Variants in F13A1 observed in about 807,000 individuals in gnomAD.
F13A1 encodes the protein FSF, A subunit.
In F13A1, 47 loss-of-function variants were observed where a neutral mutation model predicts 80.1. The ratio of observed to expected loss-of-function variants is 0.59; its 90% confidence interval spans 0.46 to 0.75. The LOEUF (loss-of-function observed/expected upper bound fraction) is 0.75. Ranked by LOEUF, F13A1 falls within the 30% of genes least tolerant of loss-of-function variation. The pLI, the probability that F13A1 is intolerant of heterozygous loss-of-function variation, is 0.00. For missense variants in F13A1, 817 were observed against 930.4 expected (o/e 0.88, Z 1.59); for synonymous variants, 349 against 344.9 (o/e 1.01, Z -0.13).
chr6:6,212,018 G>A (rs184613008), intron 8 of F13A1, among the ~76,000 whole-genome samples: 62 of 152,314 alleles, frequency 4.1e-4, no homozygotes, highest in African/African-American at 1.3e-3. Flanking sequence ...CACCTGGCTC[G>A]GAGGGTCCTA....
At position 6,235,319 on chromosome 6, in the gene F13A1, G is replaced by A. The variant is rs1051229981; in HGVS notation, c.799-10459C>T. Among the ~76,000 whole-genome samples, 37 of 151,898 alleles carry A rather than the reference G, an allele frequency of 2.4e-4. 1 individual carries two copies. The highest frequency in any genetic ancestry group is 2.1e-3 in the Admixed American group (32 of 15,230). On this transcript the variant is annotated intron_variant, in intron 6 of 14. Transcript: ENST00000264870. Reference sequence around the variant, plus strand: ...AATTAAGAACCTTTGCTCTTTGAAAGGCCCTGTGAAGAGAATGAAAAAATA... The same window carrying A: ...AATTAAGAACCTTTGCTCTTTGAAAAGCCCTGTGAAGAGAATGAAAAAATA...
chr6:6,268,592 G>A (rs2113126320), intron 3 of F13A1, among the ~76,000 whole-genome samples: 1 of 152,010 alleles, frequency 6.6e-6, no homozygotes, highest in Non-Finnish European at 1.5e-5. Flanking sequence ...TTGATTCTTT[G>A]CAGTTTAGTT....
chr6:6,199,096 C>A (rs1234801342), intron 8 of F13A1, among the ~76,000 whole-genome samples: 1 of 152,178 alleles, frequency 6.6e-6, no homozygotes, highest in Admixed American at 6.5e-5. Context: ...GCAGGCAATG[C>A]ACGAAACTAA....
At chr6:6,193,969 C>T (rs1461643613) in intron 10 of F13A1, among the ~76,000 whole-genome samples, 5 of 152,220 alleles carry the variant, frequency 3.3e-5, no homozygotes, top group African/African-American at 9.7e-5. Context: ...GAGATGAACA[C>T]TGGTCTTTTG....
chr6:6,153,564 C>T (rs1760420668), intron 13 of F13A1, among the ~76,000 whole-genome samples: 1 of 152,202 alleles, frequency 6.6e-6, no homozygotes, highest in Admixed American at 6.5e-5. Context: ...TTTAAATCCG[C>T]ATCTCCTGGA....
intron 3 of F13A1, among the ~76,000 whole-genome samples, chr6:6,270,061 C>T (rs905803391): frequency 6.6e-6 from 1 of 152,102 alleles, no homozygotes; most frequent in African/African-American, 2.4e-5. Flanking sequence ...TGTTGATTTG[C>T]TTGTGTATTA....
At chr6:6,158,892 C>T (rs910789149) in intron 13 of F13A1, among the ~76,000 whole-genome samples, 5 of 147,674 alleles carry the variant, frequency 3.4e-5, no homozygotes, top group Non-Finnish European at 7.4e-5. Context: ...AGTGGTTTCC[C>T]CTTTTTTTCT....
In F13A1 at chr6:6,305,437, C is replaced by T. The variant is rs768024997; in HGVS notation, c.233G>A (p.Arg78His). 8.7e-6 allele frequency: 14 copies of T among 1,614,086 alleles called. No homozygotes were observed. The highest frequency in any genetic ancestry group is 2.7e-5 in the African/African-American group (2 of 74,938). ...DKYENNKLIV[R>H]RGQSFYVQID... Reference sequence around the variant, plus strand: ...CTGCACATAGAAAGACTGCCCTCTGCGGACAATCAGCTTGTTGTTTTCATA... The same window carrying T: ...CTGCACATAGAAAGACTGCCCTCTGTGGACAATCAGCTTGTTGTTTTCATA... The change falls in exon 3 of 15, where the codon CGC becomes CAC. Residue 78 changes from arginine (R) to histidine (H), a missense_variant. Arg to His is a conservative substitution (Grantham distance 29). Transcript: ENST00000264870.
chr6:6,168,138 G>T (rs2151072948), intron 12 of F13A1, among the ~76,000 whole-genome samples: 1 of 152,310 alleles, frequency 6.6e-6, no homozygotes, highest in Admixed American at 6.5e-5. Flanking sequence ...AATCTGATAT[G>T]ATTTTTCTAT....
At chr6:6,305,303 A>G in intron 3 of F13A1, 48 bp downstream of exon 3, 2 of 1,605,792 alleles carry the variant, frequency 1.2e-6, no homozygotes, top group Middle Eastern at 3.3e-4. Flanking sequence ...ACCTCTCTCT[A>G]CAATGCAACC....
At chr6:6,262,442 T>C (rs1757789732) in intron 4 of F13A1, among the ~76,000 whole-genome samples, 2 of 152,334 alleles carry the variant, frequency 1.3e-5, no homozygotes, top group South Asian at 4.1e-4. Context: ...CAAGTGTGAG[T>C]AGGACTCCTA....
chr6:6,167,584 C>T lies in F13A1; in HGVS notation c.1782G>A (p.Glu594=). The change falls in exon 13 of 15, where the codon GAG becomes GAA. Residue 594 remains glutamate, a synonymous_variant. Coordinates refer to ENST00000264870, the MANE Select transcript of F13A1 (RefSeq NM_000129.4). ...CTTGTTCCAGCAGCTGACCCATGTACTCGCCGGCTTGGATCAGCACCGCCT... is the reference window on the plus strand; with the variant it reads ...CTTGTTCCAGCAGCTGACCCATGTATTCGCCGGCTTGGATCAGCACCGCCT... The part of the protein sequence containing the change: ...KKEAVLIQAG[E]YMGQLLEQAS... The T allele has an allele frequency of 1.2e-6, 2 of 1,613,906 alleles. No homozygotes were observed. Among genetic ancestry groups the T allele is most frequent in the Non-Finnish European group, 1.7e-6 (2 of 1,180,010 alleles).
At chr6:6,206,639 TC>T in intron 8 of F13A1, 1 of 470,484 alleles carries the variant, frequency 2.1e-6, no homozygotes, top group Non-Finnish European at 4.4e-6. Flanking sequence ...GGCAGTGATT[TC>T]CAACCTTCAA....
chr6:6,280,657 G>C (rs1758047858), intron 3 of F13A1, among the ~76,000 whole-genome samples: 1 of 152,188 alleles, frequency 6.6e-6, no homozygotes. Context: ...CCGTATTGAG[G>C]TTGGACCATC....
intron 3 of F13A1, among the ~76,000 whole-genome samples, chr6:6,295,124 T>A (rs1316771340): frequency 6.8e-6 from 1 of 147,108 alleles, no homozygotes; most frequent in Non-Finnish European, 1.5e-5. Flanking sequence ...TGTGCCACAT[T>A]TTCTTAATCC....
At chr6:6,229,805 C>T (rs1441797998) in intron 6 of F13A1, among the ~76,000 whole-genome samples, 1 of 152,252 alleles carries the variant, frequency 6.6e-6, no homozygotes, top group East Asian at 1.9e-4. Flanking sequence ...GGGAGACCCT[C>T]CTCTCCCGAA....
At chr6:6,293,082 G>A (rs1758245996) in intron 3 of F13A1, among the ~76,000 whole-genome samples, 2 of 152,134 alleles carry the variant, frequency 1.3e-5, no homozygotes, top group African/African-American at 4.8e-5. Flanking sequence ...ATCTGTGAGG[G>A]CCATCATAGA....
At chr6:6,190,637 C>T (rs555197626) in intron 10 of F13A1, among the ~76,000 whole-genome samples, 18,429 of 151,664 alleles carry the variant, frequency 0.12, 1,429 homozygotes, top group Non-Finnish European at 0.18. Flanking sequence ...AGCTGTCAGA[C>T]AGGGACATTT....
At chr6:6,214,247 C>T (rs1368999237) in intron 8 of F13A1, among the ~76,000 whole-genome samples, 2 of 151,332 alleles carry the variant, frequency 1.3e-5, no homozygotes, top group African/African-American at 2.4e-5. Context: ...CACCACACCA[C>T]ACCTATTCCA....
Sources: gnomAD v4.1 joint callset for allele counts (sites outside exome capture counted in the v4.1 genomes callset) on GRCh38, gnomAD v4.1.1 for gene constraint, MANE v1.5 for transcripts, NCBI Gene and HGNC (gene_info 2026-07-23, HGNC 2026-07-21) for gene names.